Variants in DAB2IP observed in about 807,000 individuals in gnomAD.
DAB2IP encodes the protein DAB2 interacting protein.
In DAB2IP, 28 loss-of-function variants were observed where a neutral mutation model predicts 107.2. The observed-to-expected ratio is 0.26, with a 90% CI of 0.19 to 0.36. The LOEUF is 0.36. DAB2IP is among the 10% of genes least tolerant of loss of function. The pLI is 1.00. For missense variants in DAB2IP, 1,400 were observed against 1,644.7 expected (o/e 0.85, Z 2.57); for synonymous variants, 755 against 706.4 (o/e 1.07, Z -1.09).
intron 1 of DAB2IP, among the ~76,000 whole-genome samples, chr9:121,638,473 G>A (rs1011439040): frequency 6.6e-6 from 1 of 152,164 alleles, no homozygotes; most frequent in Non-Finnish European, 1.5e-5. Flanking sequence ...GAGGAAAGGC[G>A]CAGGGAGCTC....
intron 14 of DAB2IP, among the ~76,000 whole-genome samples, chr9:121,779,325 C>G (rs1201784801): frequency 6.6e-6 from 1 of 152,122 alleles, no homozygotes; most frequent in Admixed American, 6.6e-5. Context: ...GTTTTCATGT[C>G]CTTGTCTAAT....
intron 2 of DAB2IP, among the ~76,000 whole-genome samples, chr9:121,695,949 G>A (rs1311056990): frequency 6.6e-6 from 1 of 152,116 alleles, no homozygotes; most frequent in South Asian, 2.1e-4. Context: ...GCTCACTGCA[G>A]CCTCCACCTC....
In DAB2IP at chr9:121,699,190, T is replaced by TGGGGCC. The variant is rs908634238; in HGVS notation, c.229-133_229-128dup. 46 of 947,186 alleles carry TGGGGCC rather than the reference T, an allele frequency of 4.9e-5. No individual in the cohort carries two copies. The highest frequency in any genetic ancestry group is 5.4e-5 in the Non-Finnish European group (43 of 799,468). 58.7% of individuals were successfully genotyped at this position (947,186 alleles called of 1,614,324 possible). ...GCGGGCGGCGCGGGCCGCGAGCTGC[T>TGGGGCC]GGGGCCGAGCCCGAGCCCGGCCCGC... On this transcript the variant is annotated intron_variant, in intron 2 of 15. Transcript: ENST00000408936. This position sits in a 1 kb window ranked among gnomAD's most constrained non-coding sequence, Gnocchi z 6.2.
At chr9:121,576,755 G>T (rs4310275) in intron 1 of DAB2IP, among the ~76,000 whole-genome samples, 32,670 of 149,646 alleles carry the variant, frequency 0.22, 3,958 homozygotes, top group East Asian at 0.36. Context: ...GGCAGATTCT[G>T]GGGGGGGAGG....
chr9:121,626,426 T>G (rs1396833124), intron 1 of DAB2IP, among the ~76,000 whole-genome samples: 1 of 22,442 alleles, frequency 4.5e-5, no homozygotes. Context: ...CGAGAAACCT[T>G]TTTTTTTTTT....
chr9:121,601,729 T>C (rs1830688389), intron 1 of DAB2IP, among the ~76,000 whole-genome samples: 1 of 152,182 alleles, frequency 6.6e-6, no homozygotes. Context: ...TTTCTTATCC[T>C]TATTTTGCAT....
At chr9:121,753,484 G>A (rs1045209914) in intron 3 of DAB2IP, among the ~76,000 whole-genome samples, 7 of 152,164 alleles carry the variant, frequency 4.6e-5, no homozygotes, top group African/African-American at 9.7e-5. Flanking sequence ...GCTGGGGGAC[G>A]GCAGAAGCCC....
At chr9:121,637,731 C>A (rs2797348) in intron 1 of DAB2IP, among the ~76,000 whole-genome samples, 39 of 152,122 alleles carry the variant, frequency 2.6e-4, no homozygotes, top group African/African-American at 8.7e-4. Context: ...GAGGCCCAGC[C>A]AGTCAAATGT....
In DAB2IP at chr9:121,573,342, G is replaced by T. The variant is rs190292492; in HGVS notation, c.40+6114G>T. 2.0e-5 allele frequency among the ~76,000 whole-genome samples: 3 copies of T among 152,136 alleles called. No individual in the cohort carries two copies. In the East Asian group the frequency reaches 5.8e-4, roughly 29 times the overall value. On this transcript the variant is annotated intron_variant, in intron 1 of 16. Transcript: ENST00000259371. ...TCCACCCGCCTTGGCCTCCCAAACT[G>T]CTAGGATTACAGGCGTGAGCCACCG...
chr9:121,567,696 C>T (rs945024675), intron 1 of DAB2IP, among the ~76,000 whole-genome samples: 5 of 152,146 alleles, frequency 3.3e-5, no homozygotes, highest in African/African-American at 9.7e-5. Flanking sequence ...TGTGACAGGG[C>T]CCCAGTGGCT....
chr9:121,666,627 G>A (rs1240981953), intron 1 of DAB2IP, among the ~76,000 whole-genome samples: 1 of 152,130 alleles, frequency 6.6e-6, no homozygotes, highest in East Asian at 1.9e-4. Context: ...GGGAGAGCAT[G>A]AGGACAAATA....
chr9:121,649,996 T>C (rs962245651), upstream of DAB2IP, among the ~76,000 whole-genome samples: 1 of 152,218 alleles, frequency 6.6e-6, no homozygotes, highest in African/African-American at 2.4e-5. Flanking sequence ...TGAGGTTTTT[T>C]TGTGTGTGTG....
exon 12 of DAB2IP, chr9:121,773,291 G>GCCCCCC: frequency 1.3e-6 from 2 of 1,511,550 alleles, no homozygotes; most frequent in African/African-American, 1.4e-5. Flanking sequence ...ACCAGCCTCC[G>GCCCCCC]CCCCCACCCC....
chr9:121,720,526 T>G (rs1830866152), intron 3 of DAB2IP, among the ~76,000 whole-genome samples: 1 of 152,132 alleles, frequency 6.6e-6, no homozygotes, highest in African/African-American at 2.4e-5. Context: ...AACTGAAGCT[T>G]AGGAAGAGGA....
intron 1 of DAB2IP, chr9:121,575,463 C>G (rs141299134): frequency 6.6e-6 from 1 of 152,210 alleles, no homozygotes; most frequent in African/African-American, 2.4e-5. Context: ...GATCCGGGTC[C>G]CCTAAGCTTT....
intron 1 of DAB2IP, among the ~76,000 whole-genome samples, chr9:121,609,031 T>G (rs933477210): frequency 1.6e-4 from 24 of 152,214 alleles, no homozygotes; most frequent in Admixed American, 1.1e-3. Context: ...AACCTCTGCA[T>G]CCCAGGTTCA....
chr9:121,669,836 G>A (rs1833605967), intron 1 of DAB2IP, among the ~76,000 whole-genome samples: 1 of 152,126 alleles, frequency 6.6e-6, no homozygotes, highest in South Asian at 2.1e-4. Flanking sequence ...TGTCTTTTGC[G>A]ATTATGTCTA....
At chr9:121,610,364 C>T (rs1181948289) in intron 1 of DAB2IP, among the ~76,000 whole-genome samples, 1 of 152,176 alleles carries the variant, frequency 6.6e-6, no homozygotes, top group African/African-American at 2.4e-5. Context: ...ATGGACCAGC[C>T]ACTCGGCTCA....
At chr9:121,730,042 G>A (rs1051834181) in intron 3 of DAB2IP, among the ~76,000 whole-genome samples, 3 of 152,126 alleles carry the variant, frequency 2.0e-5, no homozygotes, top group African/African-American at 7.2e-5. Context: ...CCACAAAGCT[G>A]TTGGTAAGGT....
Sources: gnomAD v4.1 joint callset for allele counts (sites outside exome capture counted in the v4.1 genomes callset) on GRCh38, gnomAD v4.1.1 for gene constraint, Gnocchi (gnomAD v3.1) non-coding constraint, MANE v1.5 for transcripts, NCBI Gene and HGNC (gene_info 2026-07-23, HGNC 2026-07-21) for gene names.